The following ANKS1A variants were observed in gnomAD, a reference collection of about 807,000 sequenced individuals.
The protein encoded by ANKS1A is ankyrin repeat and sterile alpha motif domain containing 1A, also known as ankyrin repeat and SAM domain-containing protein 1A.
In ANKS1A, 55 loss-of-function variants were observed where a neutral mutation model predicts 120.3. The observed-to-expected ratio is 0.46, with a 90% CI of 0.37 to 0.57. The LOEUF (loss-of-function observed/expected upper bound fraction) is 0.57, where lower values mean the gene tolerates loss of function less well. Ranked by LOEUF, ANKS1A falls within the 20% of genes least tolerant of loss-of-function variation. ANKS1A has a pLI of 0.00. For missense variants in ANKS1A, 1,123 were observed against 1,480.3 expected, an observed-to-expected ratio of 0.76 and a Z score of 3.96; for synonymous variants, 590 against 604.7, an observed-to-expected ratio of 0.98 and a Z score of 0.36.
intron 11 of ANKS1A, among the ~76,000 whole-genome samples, chr6:35,034,439 G>A (rs1387011258): frequency 6.6e-6 from 1 of 152,162 alleles, no homozygotes; most frequent in Non-Finnish European, 1.5e-5. Context: ...TGGACCTGCA[G>A]GGCACTCATT....
At chr6:34,910,990 G>T (rs1258197825) in intron 1 of ANKS1A, among the ~76,000 whole-genome samples, 1 of 152,170 alleles carries the variant, frequency 6.6e-6, no homozygotes, top group African/African-American at 2.4e-5. Context: ...TAACTGAAAT[G>T]AAACACTTTT....
chr6:34,915,971 G>T (rs540348211), intron 1 of ANKS1A, among the ~76,000 whole-genome samples: 1 of 149,800 alleles, frequency 6.7e-6, no homozygotes, highest in East Asian at 2.0e-4. Flanking sequence ...AGGTAAAGAG[G>T]CTTCATGTCT....
chr6:34,990,497 T>G (rs1021951342), intron 9 of ANKS1A, among the ~76,000 whole-genome samples: 2 of 151,698 alleles, frequency 1.3e-5, no homozygotes, highest in Non-Finnish European at 2.9e-5. Flanking sequence ...CCTCCTTTTT[T>G]TTTTTTTTTT....
chr6:35,026,236 A>G (rs1774618618), intron 11 of ANKS1A, among the ~76,000 whole-genome samples: 1 of 152,226 alleles, frequency 6.6e-6, no homozygotes, highest in African/African-American at 2.4e-5. Flanking sequence ...TTTGGGAATA[A>G]TAGTTCATTT....
intron 10 of ANKS1A, among the ~76,000 whole-genome samples, chr6:35,015,435 G>T (rs1021867278): frequency 3.9e-5 from 6 of 152,164 alleles, no homozygotes; most frequent in African/African-American, 7.2e-5. Context: ...GGAGGCAGAG[G>T]TTGCAGTGAG....
At chr6:35,031,899 C>A (rs893397091) in intron 11 of ANKS1A, among the ~76,000 whole-genome samples, 14 of 152,118 alleles carry the variant, frequency 9.2e-5, no homozygotes, top group Non-Finnish European at 1.5e-4. Flanking sequence ...CACTGTTTTC[C>A]CCTACACGTT....
intron 13 of ANKS1A, among the ~76,000 whole-genome samples, chr6:35,069,481 G>C (rs932077384): frequency 6.6e-6 from 1 of 152,084 alleles, no homozygotes; most frequent in African/African-American, 2.4e-5. Context: ...GAGCTATTTA[G>C]AGGATTAAAT....
At chr6:34,903,766 C>T (rs952127441) in intron 1 of ANKS1A, among the ~76,000 whole-genome samples, 3 of 152,174 alleles carry the variant, frequency 2.0e-5, no homozygotes, top group Admixed American at 1.3e-4. Flanking sequence ...CCACCCGCCT[C>T]GGCCTTCCAA....
rs1309983468 is a variant in ANKS1A at position 34,991,661 on chromosome 6, CATAT to C, written c.1302+2351_1302+2354del. Among the ~76,000 whole-genome samples the C allele has an allele frequency of 3.0e-4, 29 of 98,076 alleles. No homozygotes were observed. The South Asian group carries it at 6.6e-3, about 22-fold the overall frequency. 64.3% of individuals were successfully genotyped at this position (98,076 alleles called of 152,430 possible). A position where few individuals can be genotyped will look rare whatever the true frequency, so the allele number is the denominator to read the frequency against. ...ATATATACACACACATATATATACA[CATAT>C]ATATACACATATATATACATATATA... On this transcript the variant is annotated intron_variant, in intron 9 of 23. Coordinates refer to ENST00000360359, the MANE Select transcript of ANKS1A (RefSeq NM_015245.3).
At position 34,999,977 on chromosome 6, in the gene ANKS1A, A is replaced by C. The variant is rs114303325; in HGVS notation, c.1423+5555A>C. ...GAGAGAGAGAGACAGAAAGTCAAAG[A>C]GAGAAAAAGAGAAAGAAATATACAA... is the stretch of plus-strand genomic sequence containing the variant. On this transcript the variant is annotated intron_variant, in intron 10 of 23. Transcript: ENST00000360359. Among the ~76,000 whole-genome samples, 1,164 of 152,310 alleles carry C rather than the reference A, an allele frequency of 7.6e-3. 17 individuals carry two copies. Among genetic ancestry groups the C allele is most frequent in the African/African-American group, 0.024 (1,003 of 41,568 alleles).
chr6:35,038,323 C>A, intron 11 of ANKS1A: 1 of 456,644 alleles, frequency 2.2e-6, no homozygotes, highest in Non-Finnish European at 4.4e-6. Flanking sequence ...TGGAACTTTG[C>A]ATTCTTACTG....
At chr6:34,993,591 GT>G (rs1389400295) in intron 9 of ANKS1A, among the ~76,000 whole-genome samples, 1 of 152,240 alleles carries the variant, frequency 6.6e-6, no homozygotes, top group Non-Finnish European at 1.5e-5. Flanking sequence ...TAGGAATCCA[GT>G]TTTGGGGATA....
intron 10 of ANKS1A, among the ~76,000 whole-genome samples, chr6:34,994,697 C>T (rs1772758166): frequency 6.6e-6 from 1 of 152,154 alleles, no homozygotes; most frequent in Non-Finnish European, 1.5e-5. Flanking sequence ...AGACCACCAG[C>T]CCCACGGCAG....
intron 11 of ANKS1A, among the ~76,000 whole-genome samples, chr6:35,041,088 G>T (rs1561933091): frequency 6.6e-6 from 1 of 152,356 alleles, no homozygotes; most frequent in East Asian, 1.9e-4. Flanking sequence ...CAATGGGGAT[G>T]TTATAAAGTT....
intron 13 of ANKS1A, among the ~76,000 whole-genome samples, chr6:35,070,537 T>G (rs1011937750): frequency 2.3e-5 from 3 of 131,688 alleles, no homozygotes; most frequent in African/African-American, 8.4e-5. Context: ...TTGCCCAGGC[T>G]AGAGTACAGT....
chr6:35,069,000 A>G (rs1312453772), intron 13 of ANKS1A, among the ~76,000 whole-genome samples: 2 of 152,112 alleles, frequency 1.3e-5, no homozygotes, highest in Non-Finnish European at 2.9e-5. Flanking sequence ...ACGTCTGGCC[A>G]TTGGTGGGCC....
rs1440761938 is a variant in ANKS1A, at chr6:35,084,932, A to C, written c.3132+674A>C. On this transcript the variant is annotated intron_variant, in intron 21 of 23. Coordinates refer to ENST00000360359, the MANE Select transcript of ANKS1A (RefSeq NM_015245.3). This position sits in a 1 kb window ranked among gnomAD's most constrained non-coding sequence, Gnocchi z 4.8. ...TGCAACAAAGCATGAGAGTGGCCCC[A>C]GGCTGCTTCCTCACCCCGGGAGGAA... 6.6e-6 allele frequency among the ~76,000 whole-genome samples: 1 copy of C among 152,162 alleles called. No individual in the cohort carries two copies. The highest frequency in any genetic ancestry group is 1.5e-5 in the Non-Finnish European group (1 of 68,026).
Position 35,086,176 on chromosome 6 carries a change from C to A in ANKS1A, c.3303+240C>A. On this transcript the variant is annotated intron_variant, in intron 22 of 23. Coordinates refer to ENST00000360359, the MANE Select transcript of ANKS1A (RefSeq NM_015245.3). This position sits in a 1 kb window ranked among gnomAD's most constrained non-coding sequence, Gnocchi z 5.1. ...CTCCCTCGCTGGGCTCCCCCAAGGG[C>A]AAGGCCGTCAAGGGGCTGCAGAGAG... 1 of 1,249,452 alleles carries A rather than the reference C, an allele frequency of 8.0e-7. No homozygotes were observed. The highest frequency in any genetic ancestry group is 1.1e-6 in the Non-Finnish European group (1 of 914,254). The allele number at this position is 1,249,452 out of a possible 1,614,324, so 77.4% of individuals were successfully genotyped here.
intron 13 of ANKS1A, among the ~76,000 whole-genome samples, chr6:35,076,861 T>A (rs913994478): frequency 6.6e-5 from 10 of 152,102 alleles, no homozygotes; most frequent in African/African-American, 2.4e-4. Flanking sequence ...AACTCCTGAC[T>A]TCAGGTGATC....
Sources: allele counts gnomAD v4.1 joint callset (sites outside exome capture counted in the v4.1 genomes callset), GRCh38; gene constraint gnomAD v4.1.1; non-coding constraint Gnocchi (gnomAD v3.1); transcripts MANE v1.5; gene names NCBI Gene and HGNC (gene_info 2026-07-23, HGNC 2026-07-21).